The following CERS6 variants were observed in gnomAD, a reference collection of about 807,000 sequenced individuals.
The protein encoded by CERS6 is ceramide synthase 6, also known as LAG1 homolog, ceramide synthase 6.
Under a neutral mutation model 56.8 loss-of-function variants are expected in CERS6, and 26 were observed. The observed-to-expected ratio is 0.46, with a 90% CI of 0.34 to 0.63. CERS6 has a LOEUF of 0.63. CERS6 is among the 30% of genes least tolerant of loss of function. The pLI is 0.01. For missense variants in CERS6, 415 were observed against 467.5 expected (o/e 0.89, Z 1.04); for synonymous variants, 164 against 173.3 (o/e 0.95, Z 0.42).
At chr2:168,701,735 G>A (rs978878807) in intron 6 of CERS6, among the ~76,000 whole-genome samples, 6 of 152,038 alleles carry the variant, frequency 3.9e-5, no homozygotes, top group African/African-American at 7.3e-5. Context: ...GGCCAGTTGC[G>A]GTACTCCCAC....
intron 2 of CERS6, among the ~76,000 whole-genome samples, chr2:168,556,534 A>AC (rs1318311060): frequency 1.3e-5 from 2 of 152,130 alleles, no homozygotes; most frequent in East Asian, 3.8e-4. Context: ...ATTGTGCCAA[A>AC]TTTTACATTG....
At chr2:168,533,225 T>G (rs1218204772) in intron 1 of CERS6, among the ~76,000 whole-genome samples, 1 of 152,224 alleles carries the variant, frequency 6.6e-6, no homozygotes, top group African/African-American at 2.4e-5. Context: ...ATTTTCTTTT[T>G]TTGTTGTGTC....
intron 9 of CERS6, chr2:168,766,258 T>C (rs1052761698): frequency 4.6e-6 from 7 of 1,508,280 alleles, no homozygotes; most frequent in Non-Finnish European, 6.4e-6. Context: ...GCAGAGACTT[T>C]TCCAGATCAT....
chr2:168,591,172 G>A (rs976448781), intron 3 of CERS6, among the ~76,000 whole-genome samples: 3 of 152,154 alleles, frequency 2.0e-5, no homozygotes, highest in East Asian at 1.9e-4. Flanking sequence ...GACTATCCTT[G>A]TAATAGAGTC....
At chr2:168,734,054 A>G (rs1360093021) in intron 8 of CERS6, among the ~76,000 whole-genome samples, 1 of 152,174 alleles carries the variant, frequency 6.6e-6, no homozygotes, top group East Asian at 1.9e-4. Flanking sequence ...CTCACTTGCT[A>G]AAAGTTTTAG....
In CERS6 at chr2:168,770,524, TAAAG is replaced by T. The variant is rs1684837041; in HGVS notation, c.*864_*867del. 1 of 152,614 alleles carries T rather than the reference TAAAG, an allele frequency of 6.6e-6. No individual in the cohort carries two copies. The highest frequency in any genetic ancestry group is 2.4e-5 in the African/African-American group (1 of 41,450). The allele number at this position is 152,614 out of a possible 1,614,324, so 9.5% of individuals were successfully genotyped here. A position where few individuals can be genotyped will look rare whatever the true frequency, so the allele number is the denominator to read the frequency against. On this transcript the variant is annotated 3_prime_UTR_variant, in exon 10 of 10. Coordinates refer to ENST00000305747, the MANE Select transcript of CERS6 (RefSeq NM_203463.3). The stretch of plus-strand genomic sequence containing the variant: ...TTTGTCCTGTGTTCTGGGAATAACA[TAAAG>T]AGAGCAACTGATTTCAGCCAGGTTT...
chr2:168,728,185 G>C (rs1683403223), intron 8 of CERS6, among the ~76,000 whole-genome samples: 1 of 152,096 alleles, frequency 6.6e-6, no homozygotes, highest in Admixed American at 6.5e-5. Flanking sequence ...TTGTGACAGG[G>C]TTATGGCCCA....
chr2:168,522,676 C>T (rs1695003001), intron 1 of CERS6, among the ~76,000 whole-genome samples: 1 of 152,108 alleles, frequency 6.6e-6, no homozygotes, highest in Admixed American at 6.6e-5. Context: ...GTAGCTGGGA[C>T]TACTGGCATG....
intron 1 of CERS6, among the ~76,000 whole-genome samples, chr2:168,544,200 TTC>T (rs143982469): frequency 3.3e-5 from 5 of 150,812 alleles, no homozygotes; most frequent in Admixed American, 6.6e-5. Flanking sequence ...TCTGTTATTC[TTC>T]TCTCTCTCTC....
At position 168,685,522 on chromosome 2, in the gene CERS6, G is replaced by A. The variant is rs139794172; in HGVS notation, c.466-5512G>A. Among the ~76,000 whole-genome samples the A allele has an allele frequency of 3.6e-3, 555 of 152,080 alleles. 6 individuals are homozygous for A. The highest frequency in any genetic ancestry group is 0.013 in the African/African-American group (543 of 41,474). On this transcript the variant is annotated intron_variant, in intron 4 of 9. Coordinates refer to ENST00000305747, the MANE Select transcript of CERS6 (RefSeq NM_203463.3). ...TAAAGTAAAGTATCAGACCTTATCT[G>A]TTTTTCTGACTTCTGTTGACAATGA...
At chr2:168,622,779 A>G (rs181077478) in intron 3 of CERS6, among the ~76,000 whole-genome samples, 1 of 152,222 alleles carries the variant, frequency 6.6e-6, no homozygotes, top group Admixed American at 6.5e-5. Context: ...AGGTGGAAAT[A>G]GTTTCAGGAA....
chr2:168,535,127 A>T (rs1695236856), intron 1 of CERS6, among the ~76,000 whole-genome samples: 1 of 152,210 alleles, frequency 6.6e-6, no homozygotes, highest in Non-Finnish European at 1.5e-5. Flanking sequence ...TCTCCTGCCC[A>T]GGGAGCTTAG....
At chr2:168,767,376 C>CATGCAA (rs1684753454) in intron 9 of CERS6, among the ~76,000 whole-genome samples, 1 of 152,154 alleles carries the variant, frequency 6.6e-6, no homozygotes, top group Admixed American at 6.5e-5. Context: ...TCTGACTGAG[C>CATGCAA]ATGCAAATGT....
chr2:168,550,403 C>G (rs751054006), intron 2 of CERS6, among the ~76,000 whole-genome samples: 20 of 152,160 alleles, frequency 1.3e-4, no homozygotes, highest in Non-Finnish European at 2.1e-4. Context: ...GTCTTGAACT[C>G]CGGGCTTCAA....
intron 1 of CERS6, among the ~76,000 whole-genome samples, chr2:168,539,698 C>G (rs114128137): frequency 6.6e-6 from 1 of 152,216 alleles, no homozygotes; most frequent in African/African-American, 2.4e-5. Flanking sequence ...ATTGATAATA[C>G]TTACTCTGAT....
chr2:168,719,109 T>G (rs887461676), intron 8 of CERS6, among the ~76,000 whole-genome samples: 1 of 152,202 alleles, frequency 6.6e-6, no homozygotes, highest in African/African-American at 2.4e-5. Context: ...TAGTGAAAAT[T>G]TACTGGTCAT....
intron 3 of CERS6, among the ~76,000 whole-genome samples, chr2:168,570,760 T>C (rs1259372179): frequency 6.6e-6 from 1 of 152,164 alleles, no homozygotes; most frequent in African/African-American, 2.4e-5. Flanking sequence ...GCAAGTCTTT[T>C]AATGTTGCCA....
chr2:168,568,485 T>G (rs1216847944), intron 3 of CERS6, among the ~76,000 whole-genome samples: 1 of 152,236 alleles, frequency 6.6e-6, no homozygotes, highest in Non-Finnish European at 1.5e-5. Context: ...TTTATAAAAG[T>G]CTACATAATG....
intron 4 of CERS6, among the ~76,000 whole-genome samples, chr2:168,632,419 TG>T (rs1559028826): frequency 6.6e-6 from 1 of 152,226 alleles, no homozygotes; most frequent in Non-Finnish European, 1.5e-5. Context: ...TTATAAATAG[TG>T]GTTGTTTCCC....
Sources: allele counts gnomAD v4.1 joint callset (sites outside exome capture counted in the v4.1 genomes callset), GRCh38; gene constraint gnomAD v4.1.1; transcripts MANE v1.5; gene names NCBI Gene and HGNC (gene_info 2026-07-23, HGNC 2026-07-21).